MEI1: variants seen among roughly 807,000 people sequenced by gnomAD.
MEI1 encodes meiosis inhibitor protein 1.
MEI1 carries 103 observed loss-of-function variants against 146.2 expected under a neutral mutation model. The ratio of observed to expected loss-of-function variants is 0.70; its 90% CI spans 0.60 to 0.83. The LOEUF (loss-of-function observed/expected upper bound fraction) is 0.83. MEI1 is among the 40% of genes least tolerant of loss of function. MEI1 has a pLI of 0.00. For synonymous variants in MEI1, 652 were observed against 628.2 expected (o/e 1.04, Z -0.57); for missense variants, 1,529 against 1,533.0 (o/e 1.00, Z 0.04).
chr22:41,716,876 A>G (rs903643857), intron 5 of MEI1, among the ~76,000 whole-genome samples: 1 of 150,998 alleles, frequency 6.6e-6, no homozygotes, highest in African/African-American at 2.4e-5. Context: ...TTTTTAGTAG[A>G]GACGGAGTTT....
At chr22:41,790,017 C>T (rs1470240578) in intron 26 of MEI1, among the ~76,000 whole-genome samples, 1 of 152,218 alleles carries the variant, frequency 6.6e-6, no homozygotes, top group Non-Finnish European at 1.5e-5. Context: ...CCCAGGACCT[C>T]ATGGCTATAG....
intron 2 of MEI1, among the ~76,000 whole-genome samples, 183 bp downstream of exon 2, chr22:41,703,637 A>T (rs937804424): frequency 1.3e-5 from 2 of 152,214 alleles, no homozygotes; most frequent in African/African-American, 4.8e-5. Flanking sequence ...GATGCATTTT[A>T]CAGTAACTGA....
rs556723370 is a variant in MEI1 at position 41,758,001 on chromosome 22, G to T, written c.1952-364G>T. 1.2e-4 allele frequency among the ~76,000 whole-genome samples: 18 copies of T among 152,152 alleles called. 2 individuals are homozygous for T. In the South Asian group the frequency reaches 3.5e-3, roughly 30 times the overall value. On this transcript the variant is annotated intron_variant, in intron 17 of 30. Transcript: ENST00000401548. ...TGGGTGCCTGTAATCACAGCTACTT[G>T]GGAGGCTGAGGCAGGAGAATTGCTT...
intron 18 of MEI1, among the ~76,000 whole-genome samples, chr22:41,760,898 G>C (rs1050750057): frequency 1.1e-4 from 16 of 152,136 alleles, no homozygotes; most frequent in Admixed American, 3.9e-4. Flanking sequence ...GTTTAAGCCA[G>C]GCAGGCCCAG....
chr22:41,729,030 G>A (rs954840236), intron 7 of MEI1, among the ~76,000 whole-genome samples: 3 of 152,060 alleles, frequency 2.0e-5, no homozygotes, highest in African/African-American at 7.2e-5. Flanking sequence ...TGAGCGTGGT[G>A]GTGCACGCCT....
chr22:41,779,628 TTAAGA>T, intron 22 of MEI1, among the ~76,000 whole-genome samples: 1 of 152,196 alleles, frequency 6.6e-6, no homozygotes, highest in Non-Finnish European at 1.5e-5. Context: ...TATCTAGTTG[TTAAGA>T]TAAGGAATAC....
intron 17 of MEI1, among the ~76,000 whole-genome samples, chr22:41,754,438 G>C (rs9611654): frequency 7.1e-6 from 1 of 141,472 alleles, no homozygotes; most frequent in Non-Finnish European, 1.5e-5. Context: ...TTTTCTTTTT[G>C]TTTTTCTTTT....
chr22:41,799,164 C>G lies in MEI1; in HGVS notation c.3780-90C>G, dbSNP rs1215453990. The G allele has an allele frequency of 2.4e-6, 3 of 1,249,062 alleles. No individual in the cohort carries two copies. In the African/African-American group the frequency reaches 4.4e-5, roughly 18 times the overall value. The allele number at this position is 1,249,062 out of a possible 1,614,324, so 77.4% of individuals were successfully genotyped here. Reference sequence around the variant, plus strand: ...CAGGAGCACTTCTGTTCTTGCCTGACCATTCTTGACTGTTTTGGGCTCTGG... The same window carrying G: ...CAGGAGCACTTCTGTTCTTGCCTGAGCATTCTTGACTGTTTTGGGCTCTGG... On this transcript the variant is annotated intron_variant, in intron 30 of 30. Coordinates refer to ENST00000401548, the MANE Select transcript of MEI1 (RefSeq NM_152513.4).
At chr22:41,763,105 A>T in intron 18 of MEI1, 69 bp from the exon 19 acceptor site, 1 of 1,562,862 alleles carries the variant, frequency 6.4e-7, no homozygotes, top group South Asian at 1.2e-5. Context: ...GGATGCGGCC[A>T]GGCAGAATAG....
intron 17 of MEI1, among the ~76,000 whole-genome samples, chr22:41,754,425 T>G (rs922318882): frequency 6.6e-6 from 1 of 151,830 alleles, no homozygotes; most frequent in Non-Finnish European, 1.5e-5. Flanking sequence ...TTTTTCTTTT[T>G]CTTTTTCTTT....
chr22:41,721,719 C>CTTTTTTT lies in MEI1; in HGVS notation c.734-2210_734-2204dup, dbSNP rs58572782. On this transcript the variant is annotated intron_variant, in intron 6 of 30. Transcript: ENST00000401548. ...GAATTCCCGTTTTTAAATGCTACCC[C>CTTTTTTT]TTTTTTTTTTTTTTTTTTTTGAGAT... Among the ~76,000 whole-genome samples, 20 of 102,218 alleles carry CTTTTTTT rather than the reference C, an allele frequency of 2.0e-4. 1 individual carries two copies. The highest frequency in any genetic ancestry group is 6.6e-4 in the African/African-American group (16 of 24,242). 67.1% of individuals were successfully genotyped at this position (102,218 alleles called of 152,430 possible).
At chr22:41,747,117 A>G (rs893214507) in intron 14 of MEI1, among the ~76,000 whole-genome samples, 8 of 152,102 alleles carry the variant, frequency 5.3e-5, no homozygotes, top group East Asian at 3.8e-4. Context: ...CAACAAGAAC[A>G]GTGCCTCTGA....
chr22:41,712,217 G>A lies in MEI1; in HGVS notation c.350-1785G>A, dbSNP rs1249414093. Among the ~76,000 whole-genome samples the A allele has an allele frequency of 1.0e-3, 34 of 34,116 alleles. 1 individual carries two copies. Among genetic ancestry groups the A allele is most frequent in the African/African-American group, 1.9e-3 (10 of 5,232 alleles). The allele number at this position is 34,116 out of a possible 152,430, so 22.4% of individuals were successfully genotyped here. On this transcript the variant is annotated intron_variant, in intron 3 of 30. Transcript: ENST00000401548. ...AAAACTCCGGCTCAAAAAAAAAAAA[G>A]CATTGTGTTTTTTTTGTTTGTTTGT...
intron 7 of MEI1, among the ~76,000 whole-genome samples, chr22:41,726,208 G>T (rs1230977043): frequency 6.6e-6 from 1 of 151,946 alleles, no homozygotes; most frequent in African/African-American, 2.4e-5. Context: ...AGAAAAGTTT[G>T]TCCTGAGACT....
chr22:41,730,823 C>T (rs574145432), intron 9 of MEI1, among the ~76,000 whole-genome samples, 186 bp downstream of exon 9: 2 of 152,226 alleles, frequency 1.3e-5, no homozygotes, highest in South Asian at 2.1e-4. Flanking sequence ...TTCTGCTGTT[C>T]GCTGATTATC....
chr22:41,786,467 T>G (rs1285551317), intron 26 of MEI1, among the ~76,000 whole-genome samples: 2 of 152,260 alleles, frequency 1.3e-5, no homozygotes, highest in African/African-American at 4.8e-5. Flanking sequence ...GAGAAGGTCA[T>G]CAGACTCTTT....
chr22:41,700,388 T>A (rs974878960), intron 1 of MEI1, among the ~76,000 whole-genome samples: 1 of 152,224 alleles, frequency 6.6e-6, no homozygotes, highest in Non-Finnish European at 1.5e-5. Context: ...CGGAGTGCAA[T>A]GGCGCCATCT....
At chr22:41,709,529 G>A (rs2069371561) in intron 3 of MEI1, 3 of 567,356 alleles carry the variant, frequency 5.3e-6, no homozygotes, top group South Asian at 3.0e-5. Flanking sequence ...TGCTGTGCGC[G>A]GGATGCAGCG....
At chr22:41,712,297 C>A (rs569367558) in intron 3 of MEI1, among the ~76,000 whole-genome samples, 1 of 147,522 alleles carries the variant, frequency 6.8e-6, no homozygotes, top group Non-Finnish European at 1.5e-5. Flanking sequence ...TGCAGTGGCG[C>A]GATCTTGGCT....
Sources: gnomAD v4.1 joint callset for allele counts (sites outside exome capture counted in the v4.1 genomes callset) on GRCh38, gnomAD v4.1.1 for gene constraint, MANE v1.5 for transcripts, NCBI Gene and HGNC (gene_info 2026-07-23, HGNC 2026-07-21) for gene names.